MPHOSPH6: variants seen among roughly 807,000 people sequenced by gnomAD.
MPHOSPH6 encodes M-phase phosphoprotein 6.
Under a neutral mutation model 21.8 loss-of-function variants are expected in MPHOSPH6, and 25 were observed. That is an observed-to-expected ratio of 1.15 (90% CI 0.83 to 1.60). The LOEUF (loss-of-function observed/expected upper bound fraction) is 1.60, where lower values mean the gene tolerates loss of function less well. MPHOSPH6 is among the 40% of genes most tolerant of loss of function. The pLI is 0.00. For synonymous variants in MPHOSPH6, 84 were observed against 56.5 expected (o/e 1.49, Z -2.18); for missense variants, 269 against 181.8 (o/e 1.48, Z -2.76).
At chr16:82,155,647 T>A (rs1359939142) in intron 2 of MPHOSPH6, among the ~76,000 whole-genome samples, 2 of 152,226 alleles carry the variant, frequency 1.3e-5, no homozygotes, top group Non-Finnish European at 2.9e-5. Flanking sequence ...CTCATGCCTG[T>A]AATCCCAGCA....
intron 2 of MPHOSPH6, chr16:82,162,457 C>G (rs553263706): frequency 1.8e-4 from 28 of 152,422 alleles, no homozygotes; most frequent in African/African-American, 6.7e-4. Flanking sequence ...CGGAAGGGCT[C>G]CTTTGCTGCC....
intron 1 of MPHOSPH6, among the ~76,000 whole-genome samples, chr16:82,168,103 G>C (rs1906845064): frequency 6.7e-6 from 1 of 149,130 alleles, no homozygotes; most frequent in Non-Finnish European, 1.5e-5. Context: ...GTCCAGTTGA[G>C]TCTCCCCATT....
In MPHOSPH6 at chr16:82,148,625, G is replaced by A; in HGVS notation, c.*106C>T. 7.5e-7 allele frequency: 1 copy of A among 1,333,354 alleles called. No homozygotes were observed. The highest frequency in any genetic ancestry group is 1.0e-6 in the Non-Finnish European group (1 of 989,370). 82.6% of individuals were successfully genotyped at this position (1,333,354 alleles called of 1,614,324 possible). Reference sequence around the variant, plus strand: ...TTCTAAAATGATAATCTCTTTACAAGTAAACGTTACAGTATTAATAACTAT... The same window carrying A: ...TTCTAAAATGATAATCTCTTTACAAATAAACGTTACAGTATTAATAACTAT... On this transcript the variant is annotated 3_prime_UTR_variant, in exon 5 of 5. Coordinates refer to ENST00000258169, the MANE Select transcript of MPHOSPH6 (RefSeq NM_005792.2).
At chr16:82,158,387 T>C (rs1906498629) in intron 2 of MPHOSPH6, among the ~76,000 whole-genome samples, 1 of 149,278 alleles carries the variant, frequency 6.7e-6, no homozygotes, top group African/African-American at 2.5e-5. Flanking sequence ...TAGTTCCAGC[T>C]ACATTGGAGG....
At chr16:82,166,067 T>A (rs893126923) in intron 1 of MPHOSPH6, among the ~76,000 whole-genome samples, 13 of 152,202 alleles carry the variant, frequency 8.5e-5, no homozygotes, top group Non-Finnish European at 2.9e-5. Flanking sequence ...TGAGTGCGTG[T>A]AAAATGGTGA....
At chr16:82,164,216 A>G (rs1906692522) in intron 1 of MPHOSPH6, 22 bp from the exon 2 acceptor site, 9 of 1,518,076 alleles carry the variant, frequency 5.9e-6, no homozygotes, top group Non-Finnish European at 8.1e-6. Flanking sequence ...AACAAAATCA[A>G]TGTCAGAAAC....
chr16:82,165,037 C>G (rs1488504281), intron 1 of MPHOSPH6: 2 of 151,884 alleles, frequency 1.3e-5, no homozygotes, highest in Non-Finnish European at 2.9e-5. Flanking sequence ...ACCCAGAAGC[C>G]TCCTAGCAGT....
chr16:82,151,486 A>G lies in MPHOSPH6; in HGVS notation c.193T>C (p.Leu65=). The part of the protein sequence containing the change: ...ESFIIEEQSF[L]LCEDLLYGRM... Reference sequence around the variant, plus strand: ...CCATAGAGAAGATCTTCACATAGTAAGAAACTCTGCTCTTCTATTATGAAA... The same window carrying G: ...CCATAGAGAAGATCTTCACATAGTAGGAAACTCTGCTCTTCTATTATGAAA... The change falls in exon 3 of 5, where the codon TTA becomes CTA. Residue 65 remains leucine, a synonymous_variant. Coordinates refer to ENST00000258169, the MANE Select transcript of MPHOSPH6 (RefSeq NM_005792.2). The G allele has an allele frequency of 1.2e-6, 2 of 1,603,470 alleles. No individual in the cohort carries two copies. Among genetic ancestry groups the G allele is most frequent in the Non-Finnish European group, 1.7e-6 (2 of 1,175,464 alleles).
chr16:82,153,634 A>G (rs1906338091), intron 2 of MPHOSPH6, among the ~76,000 whole-genome samples: 1 of 152,220 alleles, frequency 6.6e-6, no homozygotes, highest in Non-Finnish European at 1.5e-5. Context: ...TATGGAATTC[A>G]GGACCTGCAT....
At chr16:82,152,729 T>C (rs867312203) in intron 2 of MPHOSPH6, among the ~76,000 whole-genome samples, 4 of 152,310 alleles carry the variant, frequency 2.6e-5, no homozygotes, top group Middle Eastern at 3.4e-3. Context: ...TGGACCAGGA[T>C]GTTTCTGTCT....
Position 82,157,214 on chromosome 16 carries a change from A to T in MPHOSPH6, c.165-5700T>A, listed in dbSNP as rs1466175166. Among the ~76,000 whole-genome samples the T allele has an allele frequency of 1.3e-5, 2 of 152,224 alleles. 1 individual carries two copies. The highest frequency in any genetic ancestry group is 2.9e-5 in the Non-Finnish European group (2 of 68,040). On this transcript the variant is annotated intron_variant, in intron 2 of 4. Transcript: ENST00000258169. ...ATCTAACTCCAAATGTTGAACTCTC[A>T]TACTTCCTTAGTGAAAGTGTTATAA...
chr16:82,170,119 C>T lies in MPHOSPH6; in HGVS notation c.51+6G>A. 1 of 1,590,460 alleles carries T rather than the reference C, an allele frequency of 6.3e-7. No homozygotes were observed. Among genetic ancestry groups the T allele is most frequent in the Non-Finnish European group, 8.6e-7 (1 of 1,168,752 alleles). On this transcript the variant is annotated splice_donor_region_variant and intron_variant, in intron 1 of 4. Transcript: ENST00000258169. ...GCCCGGAGTGGCGCTCTCAGCGTCC[C>T]CGCACCTTCATGCGCAGTAGATTCT...
At chr16:82,148,905 A>G in intron 4 of MPHOSPH6, 42 bp from the exon 5 acceptor site, 2 of 1,609,752 alleles carry the variant, frequency 1.2e-6, no homozygotes, top group Non-Finnish European at 1.7e-6. Flanking sequence ...TTCAAATAAA[A>G]AGGTAGGGAT....
chr16:82,160,009 T>A (rs963513386), intron 2 of MPHOSPH6, among the ~76,000 whole-genome samples: 1 of 152,136 alleles, frequency 6.6e-6, no homozygotes, highest in African/African-American at 2.4e-5. Context: ...ACATCAAAGC[T>A]TTCACTTAAG....
intron 2 of MPHOSPH6, among the ~76,000 whole-genome samples, chr16:82,155,207 C>T (rs901906624): frequency 1.3e-5 from 2 of 152,168 alleles, no homozygotes; most frequent in Non-Finnish European, 2.9e-5. Flanking sequence ...TGATCAGGGG[C>T]ATTGACGAAA....
chr16:82,169,412 C>G (rs536930922), intron 1 of MPHOSPH6, among the ~76,000 whole-genome samples: 1 of 152,308 alleles, frequency 6.6e-6, no homozygotes, highest in African/African-American at 2.4e-5. Context: ...CCCTGCGAGA[C>G]TCACCCTCTT....
At chr16:82,162,987 C>G (rs1906653382) in intron 2 of MPHOSPH6, among the ~76,000 whole-genome samples, 1 of 152,126 alleles carries the variant, frequency 6.6e-6, no homozygotes, top group Admixed American at 6.5e-5. Context: ...TCCCTTCCTC[C>G]CTGTGACCCT....
chr16:82,166,612 G>C (rs544041787), intron 1 of MPHOSPH6, among the ~76,000 whole-genome samples: 1 of 152,244 alleles, frequency 6.6e-6, no homozygotes, highest in South Asian at 2.1e-4. Flanking sequence ...TGTATCATTG[G>C]TACTTAGGCG....
chr16:82,160,021 C>T (rs1370689268), intron 2 of MPHOSPH6, among the ~76,000 whole-genome samples: 1 of 152,144 alleles, frequency 6.6e-6, no homozygotes, highest in Non-Finnish European at 1.5e-5. Flanking sequence ...TCACTTAAGG[C>T]AAAGGAGGGA....
Sources: allele counts gnomAD v4.1 joint callset (sites outside exome capture counted in the v4.1 genomes callset), GRCh38; gene constraint gnomAD v4.1.1; transcripts MANE v1.5; gene names NCBI Gene and HGNC (gene_info 2026-07-23, HGNC 2026-07-21).